Variants in HPSE2 observed in about 807,000 individuals in gnomAD.
HPSE2 encodes the protein heparanase 2 (inactive).
HPSE2 carries 38 observed loss-of-function variants against 60.5 expected under a neutral mutation model. The ratio of observed to expected loss-of-function variants is 0.63; its 90% CI spans 0.48 to 0.82. HPSE2 has a LOEUF of 0.82. Ranked by LOEUF, HPSE2 falls within the 40% of genes least tolerant of loss-of-function variation. The pLI is 0.00. For synonymous variants in HPSE2, 295 were observed against 293.2 expected (o/e 1.01, Z -0.06); for missense variants, 713 against 740.4 (o/e 0.96, Z 0.43).
At chr10:98,818,679 T>G (rs1417207779) in intron 3 of HPSE2, among the ~76,000 whole-genome samples, 1 of 152,078 alleles carries the variant, frequency 6.6e-6, no homozygotes, top group Non-Finnish European at 1.5e-5. Flanking sequence ...ACCAGTAGAT[T>G]AAAACAAGAT....
intron 3 of HPSE2, among the ~76,000 whole-genome samples, chr10:99,084,110 G>A (rs192555270): frequency 1.3e-5 from 2 of 151,370 alleles, no homozygotes; most frequent in African/African-American, 4.9e-5. Context: ...CAGCTTAGAA[G>A]TCCAAGACTT....
At chr10:99,178,092 C>T (rs564209676) in intron 2 of HPSE2, among the ~76,000 whole-genome samples, 1 of 151,840 alleles carries the variant, frequency 6.6e-6, no homozygotes, top group Admixed American at 6.6e-5. Context: ...CACAAAGTAC[C>T]AGAATCTCTG....
intron 2 of HPSE2, among the ~76,000 whole-genome samples, chr10:99,153,892 C>T (rs779907192): frequency 0.017 from 2,574 of 151,220 alleles, 43 homozygotes; most frequent in Non-Finnish European, 0.025. Context: ...ATAACCAATA[C>T]AGAGAAGTGC....
At chr10:99,152,226 G>A (rs1475169447) in intron 2 of HPSE2, among the ~76,000 whole-genome samples, 1 of 151,288 alleles carries the variant, frequency 6.6e-6, no homozygotes, top group Middle Eastern at 3.2e-3. Context: ...CAGGAGAATG[G>A]TGTGAACCTG....
intron 1 of HPSE2, among the ~76,000 whole-genome samples, chr10:99,234,311 A>C (rs900193250): frequency 6.6e-6 from 1 of 152,190 alleles, no homozygotes; most frequent in African/African-American, 2.4e-5. Flanking sequence ...CCGCGTCCGC[A>C]GACCCGACCC....
chr10:98,478,412 A>C (rs1219157825), intron 11 of HPSE2, among the ~76,000 whole-genome samples: 1 of 151,982 alleles, frequency 6.6e-6, no homozygotes, highest in Non-Finnish European at 1.5e-5. Context: ...GGGAATGGGG[A>C]CCAGAAGAGA....
the HPSE2 span, among the ~76,000 whole-genome samples, chr10:99,313,871 T>A: frequency 1.3e-5 from 2 of 151,880 alleles, no homozygotes; most frequent in African/African-American, 4.8e-5. Flanking sequence ...AAGTGCTGGA[T>A]TACAGGCATG....
At chr10:98,550,222 T>C (rs2133850392) in intron 9 of HPSE2, among the ~76,000 whole-genome samples, 1 of 152,298 alleles carries the variant, frequency 6.6e-6, no homozygotes. Flanking sequence ...TTTCCCAGCC[T>C]AGTAAACTTC....
chr10:99,282,509 C>T, the HPSE2 span, among the ~76,000 whole-genome samples: 1 of 152,088 alleles, frequency 6.6e-6, no homozygotes, highest in Admixed American at 6.5e-5. Flanking sequence ...AACAACATTA[C>T]AAACTAATAA....
intron 5 of HPSE2, among the ~76,000 whole-genome samples, chr10:98,697,164 A>T (rs1948246752): frequency 6.6e-6 from 1 of 152,190 alleles, no homozygotes; most frequent in Non-Finnish European, 1.5e-5. Flanking sequence ...GGATGAATTG[A>T]CAGAAGTAGG....
At chr10:98,635,785 A>G (rs1464297945) in intron 7 of HPSE2, among the ~76,000 whole-genome samples, 3 of 4,362 alleles carry the variant, frequency 6.9e-4, no homozygotes, top group African/African-American at 7.3e-4. Flanking sequence ...CCATCTCATG[A>G]AAAAAAAAAA....
chr10:99,126,371 C>G lies in HPSE2; in HGVS notation c.610+17867G>C. Among the ~76,000 whole-genome samples the G allele has an allele frequency of 7.5e-6, 1 of 134,206 alleles. No homozygotes were observed. Among genetic ancestry groups the G allele is most frequent in the South Asian group, 2.7e-4 (1 of 3,676 alleles). The allele number at this position is 134,206 out of a possible 152,430, so 88.0% of individuals were successfully genotyped here. A position where few individuals can be genotyped will look rare whatever the true frequency, so the allele number is the denominator to read the frequency against. ...ACCTGATGGTATTTCACTACCTGCC[C>G]TAGTAGCTGAACAGAAAAGACAGCT... On this transcript the variant is annotated intron_variant, in intron 3 of 11. Transcript: ENST00000370552. The surrounding 1 kb of genome is among the most constrained non-coding windows in gnomAD (Gnocchi z 4.0).
intron 9 of HPSE2, among the ~76,000 whole-genome samples, chr10:98,534,600 T>C (rs1480497719): frequency 6.6e-6 from 1 of 152,182 alleles, no homozygotes; most frequent in African/African-American, 2.4e-5. Flanking sequence ...AGACAGGGTT[T>C]CACCATGTTG....
chr10:98,851,265 G>A (rs937390484), intron 3 of HPSE2, among the ~76,000 whole-genome samples: 4 of 152,182 alleles, frequency 2.6e-5, no homozygotes, highest in Admixed American at 6.5e-5. Context: ...GACACAAGGA[G>A]GCTAGCTGAG....
At chr10:99,212,914 T>G (rs1451555264) in intron 2 of HPSE2, among the ~76,000 whole-genome samples, 2 of 152,088 alleles carry the variant, frequency 1.3e-5, no homozygotes, top group African/African-American at 4.8e-5. Context: ...GCCAGTTAAA[T>G]AAATAAAGTG....
At chr10:98,983,915 C>T (rs928952928) in intron 3 of HPSE2, among the ~76,000 whole-genome samples, 8 of 152,180 alleles carry the variant, frequency 5.3e-5, no homozygotes, top group Non-Finnish European at 8.8e-5. Context: ...AGTCTGAGAT[C>T]GAACTGCAAG....
At chr10:99,207,720 A>G (rs1223147356) in intron 2 of HPSE2, among the ~76,000 whole-genome samples, 1 of 152,098 alleles carries the variant, frequency 6.6e-6, no homozygotes, top group East Asian at 1.9e-4. Context: ...AAGTTACTAC[A>G]GTTTTAAAAA....
At chr10:98,810,684 G>T (rs560011501) in intron 3 of HPSE2, among the ~76,000 whole-genome samples, 2 of 151,666 alleles carry the variant, frequency 1.3e-5, no homozygotes, top group Non-Finnish European at 2.9e-5. Context: ...GGCTTCCCTG[G>T]GCCACACTGG....
chr10:99,260,633 C>T, the HPSE2 span, among the ~76,000 whole-genome samples: 1 of 152,176 alleles, frequency 6.6e-6, no homozygotes, highest in African/African-American at 2.4e-5. Flanking sequence ...CTGGCGCAGT[C>T]CCGGACTCGG....
Sources: allele counts gnomAD v4.1 joint callset (sites outside exome capture counted in the v4.1 genomes callset), GRCh38; gene constraint gnomAD v4.1.1; non-coding constraint Gnocchi (gnomAD v3.1); transcripts MANE v1.5; gene names NCBI Gene and HGNC (gene_info 2026-07-23, HGNC 2026-07-21).